The following NAAA variants were observed in gnomAD, a reference collection of about 807,000 sequenced individuals.
NAAA encodes N-acylethanolamine-hydrolyzing acid amidase.
NAAA carries 39 observed loss-of-function variants against 44.8 expected under a neutral mutation model. The ratio of observed to expected loss-of-function variants is 0.87; its 90% CI spans 0.67 to 1.14. The LOEUF (loss-of-function observed/expected upper bound fraction) is 1.14. Ranked by LOEUF, NAAA falls within the 50% of genes most tolerant of loss-of-function variation. The probability of loss-of-function intolerance (pLI) is 0.00; values close to 1 mark genes in which losing one functional copy is unlikely to be tolerated. For synonymous variants in NAAA, 178 were observed against 191.3 expected (o/e 0.93, Z 0.58); for missense variants, 460 against 467.8 (o/e 0.98, Z 0.15).
intron 3 of NAAA, chr4:75,935,241 A>G (rs1225232959): frequency 6.6e-6 from 1 of 152,364 alleles, no homozygotes; most frequent in East Asian, 1.9e-4. Flanking sequence ...CAGATGACTG[A>G]GTAGTTAGTA....
chr4:75,911,772 G>C (rs1725332992), downstream of NAAA, among the ~76,000 whole-genome samples: 1 of 152,186 alleles, frequency 6.6e-6, no homozygotes, highest in South Asian at 2.1e-4. Context: ...TGACTCCTGA[G>C]CAGTAAGGGA....
intron 5 of NAAA, among the ~76,000 whole-genome samples, chr4:75,922,377 CA>C (rs34680013): frequency 0.33 from 34,261 of 105,300 alleles, 4,260 homozygotes; most frequent in Non-Finnish European, 0.41. Flanking sequence ...GACCCTGTCT[CA>C]AAAAAAAAAA....
intron 5 of NAAA, 47 bp from the exon 6 acceptor site, chr4:75,921,170 G>C: frequency 9.9e-6 from 15 of 1,516,418 alleles, no homozygotes; most frequent in Non-Finnish European, 1.3e-5. Flanking sequence ...CTGCAGTTGG[G>C]TCCACACCAG....
Position 75,924,214 on chromosome 4 carries a change from G to C in NAAA, c.666+1521C>G, listed in dbSNP as rs76470555. On this transcript the variant is annotated intron_variant, in intron 5 of 10. Transcript: ENST00000286733. ...TAAGGTATCACCCCAGACAAATGAG[G>C]CCGTTTCATTTTCACTTAAAGGAAA... Among the ~76,000 whole-genome samples the C allele has an allele frequency of 6.8e-3, 1,037 of 152,264 alleles. 10 individuals are homozygous for C. Among genetic ancestry groups the C allele is most frequent in the African/African-American group, 0.024 (993 of 41,542 alleles).
At chr4:75,918,096 A>T (rs1419581534) in intron 9 of NAAA, among the ~76,000 whole-genome samples, 5 of 152,254 alleles carry the variant, frequency 3.3e-5, no homozygotes, top group Non-Finnish European at 5.9e-5. Flanking sequence ...TCAAGAGGTC[A>T]GCCAGTCAAA....
At chr4:75,940,592 C>G in intron 1 of NAAA, 152 bp downstream of exon 1, 1 of 894,364 alleles carries the variant, frequency 1.1e-6, no homozygotes, top group Non-Finnish European at 1.6e-6. Context: ...TTCTCCCCAA[C>G]CCGGACGCTG....
chr4:75,912,943 T>C (rs1041305795), downstream of NAAA, among the ~76,000 whole-genome samples: 1 of 152,186 alleles, frequency 6.6e-6, no homozygotes, highest in Non-Finnish European at 1.5e-5. Context: ...ACGAATATTC[T>C]GGGCCACTAG....
chr4:75,921,407 C>T (rs1018334542), intron 5 of NAAA, among the ~76,000 whole-genome samples: 8 of 152,192 alleles, frequency 5.3e-5, no homozygotes, highest in East Asian at 1.9e-4. Flanking sequence ...CCAGGCAGAT[C>T]GCCCTCACAA....
chr4:75,938,574 G>A (rs1230353693), intron 2 of NAAA, among the ~76,000 whole-genome samples: 2 of 152,138 alleles, frequency 1.3e-5, no homozygotes, highest in East Asian at 3.8e-4. Context: ...AGCTTACTCT[G>A]CCTAGGTGTT....
chr4:75,939,209 G>C (rs555036177), intron 2 of NAAA, among the ~76,000 whole-genome samples: 40 of 152,152 alleles, frequency 2.6e-4, no homozygotes, highest in African/African-American at 9.4e-4. Context: ...GGCCCTATTA[G>C]AGCAGTGTTC....
rs1186483936 is a variant in NAAA, at chr4:75,921,142, T to C, written c.667-19A>G. On this transcript the variant is annotated intron_variant, in intron 5 of 10. Coordinates refer to ENST00000286733, the MANE Select transcript of NAAA (RefSeq NM_014435.4). ...TCAGGGTCTGAACGAAAGGATGAACTTGCGTGAGCAACCCCACCTGCAGTT... is the reference window on the plus strand; with the variant it reads ...TCAGGGTCTGAACGAAAGGATGAACCTGCGTGAGCAACCCCACCTGCAGTT... 2 of 1,551,442 alleles carry C rather than the reference T, an allele frequency of 1.3e-6. No individual in the cohort carries two copies. Among genetic ancestry groups the C allele is most frequent in the African/African-American group, 2.8e-5 (2 of 71,992 alleles).
At chr4:75,938,188 A>G in intron 2 of NAAA, among the ~76,000 whole-genome samples, 1 of 152,218 alleles carries the variant, frequency 6.6e-6, no homozygotes. Context: ...GGTAGCTAGT[A>G]TTATTCTAAT....
chr4:75,921,207 T>G (rs1245165050), intron 5 of NAAA, 84 bp from the exon 6 acceptor site: 1 of 1,250,826 alleles, frequency 8.0e-7, no homozygotes, highest in Non-Finnish European at 1.1e-6. Flanking sequence ...CCAAAGCACA[T>G]TCTCCTGATA....
At chr4:75,919,683 T>C (rs1419294049) in intron 8 of NAAA, 2 of 586,650 alleles carry the variant, frequency 3.4e-6, no homozygotes, top group South Asian at 2.1e-5. Context: ...TTTCACTGTG[T>C]TAGCCAGGAT....
Position 75,913,823 on chromosome 4 carries a change from T to A in NAAA, c.*552A>T. 4.1e-6 allele frequency: 4 copies of A among 985,322 alleles called. No individual in the cohort carries two copies. Among genetic ancestry groups the A allele is most frequent in the Non-Finnish European group, 4.8e-6 (4 of 829,812 alleles). 61.0% of individuals were successfully genotyped at this position (985,322 alleles called of 1,614,324 possible). ...GGCCATAGGTTTTTCAATAAAACGT[T>A]AGAAACATTATAAAAAACGAGACTC... is the stretch of plus-strand genomic sequence containing the variant. On this transcript the variant is annotated 3_prime_UTR_variant, in exon 11 of 11. Transcript: ENST00000286733.
At chr4:75,916,186 G>A (rs1320983003) in intron 9 of NAAA, among the ~76,000 whole-genome samples, 1 of 152,190 alleles carries the variant, frequency 6.6e-6, no homozygotes, top group Non-Finnish European at 1.5e-5. Context: ...GCACAAAGGG[G>A]CAGCATAGAG....
chr4:75,936,479 G>T (rs1264299397), intron 2 of NAAA, among the ~76,000 whole-genome samples: 1 of 152,122 alleles, frequency 6.6e-6, no homozygotes, highest in East Asian at 1.9e-4. Context: ...CACATGGAGG[G>T]CATCATAAGC....
intron 5 of NAAA, among the ~76,000 whole-genome samples, chr4:75,925,468 C>T (rs548410517): frequency 3.9e-5 from 6 of 152,340 alleles, no homozygotes; most frequent in South Asian, 2.1e-4. Context: ...CCCATCACCT[C>T]TGCACAAACC....
intron 7 of NAAA, among the ~76,000 whole-genome samples, chr4:75,920,188 A>G (rs1472239454): frequency 6.6e-6 from 1 of 152,206 alleles, no homozygotes; most frequent in Non-Finnish European, 1.5e-5. Context: ...CTGCTCCAGA[A>G]AGCTGGGATG....
Sources: gnomAD v4.1 joint callset for allele counts (sites outside exome capture counted in the v4.1 genomes callset) on GRCh38, gnomAD v4.1.1 for gene constraint, MANE v1.5 for transcripts, NCBI Gene and HGNC (gene_info 2026-07-23, HGNC 2026-07-21) for gene names.